Variants in DNAH11 observed in about 807,000 individuals in gnomAD.
The protein encoded by DNAH11 is axonemal beta dynein heavy chain 11.
A neutral mutation model predicts 526.0 loss-of-function variants in DNAH11; 442 were observed. That is an observed-to-expected ratio of 0.84 (90% CI 0.78 to 0.91). DNAH11 has a LOEUF of 0.91. Among genes scored for constraint, DNAH11 ranks in the 40% least tolerant of loss-of-function variants. DNAH11 has a pLI of 0.00. For synonymous variants in DNAH11, 2,461 were observed against 1,935.9 expected, an observed-to-expected ratio of 1.27 and a Z score of -7.12; for missense variants, 6,989 against 5,448.7, an observed-to-expected ratio of 1.28 and a Z score of -8.90.
intron 18 of DNAH11, among the ~76,000 whole-genome samples, chr7:21,604,116 T>A (rs1785194889): frequency 1.3e-5 from 2 of 152,178 alleles, no homozygotes; most frequent in Non-Finnish European, 2.9e-5. Context: ...TTATGAGAAG[T>A]CATAACATTT....
In DNAH11 at chr7:21,894,662, G is replaced by C. The variant is rs1395897842; in HGVS notation, c.12790G>C (p.Glu4264Gln). The change falls in exon 78 of 82, where the codon GAA becomes CAA. Residue 4264 changes from glutamate to glutamine, a missense_variant. Glu to Gln is a conservative substitution (Grantham distance 29). Coordinates refer to ENST00000409508, the MANE Select transcript of DNAH11 (RefSeq NM_001277115.2). ...GGATGACATTTTGGAGAAACTTCCA[G>C]AAGAGTTCAACATGGCAGAGATAAT... ...VLDDILEKLP[E>Q]EFNMAEIMQK... 1.2e-6 allele frequency: 2 copies of C among 1,614,002 alleles called. No individual in the cohort carries two copies. Among genetic ancestry groups the C allele is most frequent in the Admixed American group, 3.3e-5 (2 of 60,016 alleles).
chr7:21,869,669 G>C (rs1003151724), intron 73 of DNAH11, among the ~76,000 whole-genome samples: 1 of 152,202 alleles, frequency 6.6e-6, no homozygotes, highest in African/African-American at 2.4e-5. Flanking sequence ...GCAGGTCAGA[G>C]ATTCTCTGGG....
intron 42 of DNAH11, among the ~76,000 whole-genome samples, 160 bp from the exon 43 acceptor site, chr7:21,717,615 C>T (rs1364680004): frequency 6.6e-6 from 1 of 152,020 alleles, no homozygotes; most frequent in African/African-American, 2.4e-5. Context: ...TTTTAAAGGG[C>T]CATTTTAAAA....
At chr7:21,567,845 T>C (rs940393589) in intron 6 of DNAH11, among the ~76,000 whole-genome samples, 2 of 152,244 alleles carry the variant, frequency 1.3e-5, no homozygotes, top group African/African-American at 4.8e-5. Flanking sequence ...TCACCTTGCG[T>C]GCTAGCACAG....
intron 55 of DNAH11, among the ~76,000 whole-genome samples, chr7:21,767,403 A>G (rs984314200): frequency 6.6e-6 from 1 of 152,174 alleles, no homozygotes; most frequent in Non-Finnish European, 1.5e-5. Context: ...TTTCCTGTCC[A>G]GGTGGGTGCC....
chr7:21,762,355 A>T (rs1166044559), intron 54 of DNAH11, among the ~76,000 whole-genome samples: 1 of 152,238 alleles, frequency 6.6e-6, no homozygotes, highest in African/African-American at 2.4e-5. Context: ...TGTGGAAATA[A>T]GTGTAGAAGT....
chr7:21,669,892 T>C (rs1782576133), intron 30 of DNAH11, among the ~76,000 whole-genome samples: 1 of 152,176 alleles, frequency 6.6e-6, no homozygotes, highest in Admixed American at 6.6e-5. Context: ...TTGATCTATT[T>C]TTCTGCCTTC....
chr7:21,749,856 A>G, intron 53 of DNAH11, 55 bp downstream of exon 53: 7 of 1,606,096 alleles, frequency 4.4e-6, no homozygotes, highest in South Asian at 3.4e-5. Flanking sequence ...AATTATCTGT[A>G]GTTTCAGTGA....
rs562596273 is a variant in DNAH11 at position 21,899,968 on chromosome 7, A to T, written c.13163-12A>T. ...ACTTTTATCCTATTCAATTTTTGTT[A>T]TATTTCCAAAGCAATCATGCAGACG... is the stretch of plus-strand genomic sequence containing the variant. On this transcript the variant is annotated splice_polypyrimidine_tract_variant and intron_variant, in intron 80 of 81. Transcript: ENST00000409508. The T allele has an allele frequency of 5.0e-6, 8 of 1,613,002 alleles. No individual in the cohort carries two copies. In the South Asian group the frequency reaches 5.5e-5, roughly 11 times the overall value.
intron 73 of DNAH11, among the ~76,000 whole-genome samples, chr7:21,871,294 A>T (rs1305851155): frequency 1.3e-5 from 2 of 152,246 alleles, no homozygotes; most frequent in East Asian, 3.9e-4. Context: ...ACCATTTTTC[A>T]TGCATTTCCA....
intron 28 of DNAH11, among the ~76,000 whole-genome samples, chr7:21,643,773 A>G (rs1787228345): frequency 6.6e-6 from 1 of 152,224 alleles, no homozygotes; most frequent in Non-Finnish European, 1.5e-5. Context: ...CTGTAAATAT[A>G]AAATACATAC....
intron 55 of DNAH11, among the ~76,000 whole-genome samples, chr7:21,771,593 C>G (rs1787436651): frequency 6.6e-6 from 1 of 152,154 alleles, no homozygotes; most frequent in Non-Finnish European, 1.5e-5. Flanking sequence ...GCATCGTTTT[C>G]CAGAGCATCT....
At chr7:21,820,918 A>G (rs1790025382) in intron 65 of DNAH11, among the ~76,000 whole-genome samples, 1 of 152,198 alleles carries the variant, frequency 6.6e-6, no homozygotes, top group Admixed American at 6.6e-5. Flanking sequence ...TTCTGAAAGT[A>G]TTGACTGAAG....
chr7:21,679,192 A>G (rs2128471646), intron 30 of DNAH11, among the ~76,000 whole-genome samples: 1 of 152,314 alleles, frequency 6.6e-6, no homozygotes, highest in Non-Finnish European at 1.5e-5. Flanking sequence ...AAAAAAAAAA[A>G]GTCTAACACA....
chr7:21,724,795 C>CTA (rs1191748389), intron 44 of DNAH11, among the ~76,000 whole-genome samples: 1 of 151,764 alleles, frequency 6.6e-6, no homozygotes, highest in Non-Finnish European at 1.5e-5. Flanking sequence ...CCAGGTCATC[C>CTA]TGTGGATGCA....
At chr7:21,701,016 G>T (rs946668628) in intron 36 of DNAH11, among the ~76,000 whole-genome samples, 1 of 152,014 alleles carries the variant, frequency 6.6e-6, no homozygotes, top group Non-Finnish European at 1.5e-5. Context: ...TAGATAACAG[G>T]TTGATGGGTA....
chr7:21,674,300 C>G (rs1583582655), intron 30 of DNAH11, among the ~76,000 whole-genome samples: 1 of 152,064 alleles, frequency 6.6e-6, no homozygotes, highest in African/African-American at 2.4e-5. Context: ...AGGTGATCCA[C>G]CCACCCTGGC....
At chr7:21,898,326 G>A (rs1256761789) in intron 79 of DNAH11, among the ~76,000 whole-genome samples, 1 of 152,206 alleles carries the variant, frequency 6.6e-6, no homozygotes, top group Non-Finnish European at 1.5e-5. Context: ...CGGGCACAGA[G>A]ATTTTCCTTG....
At chr7:21,780,984 G>A (rs921665829) in intron 57 of DNAH11, among the ~76,000 whole-genome samples, 5 of 152,084 alleles carry the variant, frequency 3.3e-5, no homozygotes, top group African/African-American at 1.2e-4. Flanking sequence ...ACATGATGGT[G>A]GGAAGGAACT....
Sources: allele counts gnomAD v4.1 joint callset (sites outside exome capture counted in the v4.1 genomes callset), GRCh38; gene constraint gnomAD v4.1.1; transcripts MANE v1.5; gene names NCBI Gene and HGNC (gene_info 2026-07-23, HGNC 2026-07-21).